The following CACNA1A variants were observed in gnomAD, a reference collection of about 807,000 sequenced individuals.
CACNA1A encodes voltage-dependent P/Q-type calcium channel subunit alpha-1A.
CACNA1A carries 57 observed loss-of-function variants against 262.4 expected under a neutral mutation model. The observed-to-expected ratio is 0.22, with a 90% confidence interval of 0.18 to 0.27. CACNA1A has a LOEUF of 0.27. Among genes scored for constraint, CACNA1A ranks in the 10% least tolerant of loss-of-function variants. The probability of loss-of-function intolerance (pLI) is 1.00; values close to 1 mark genes in which losing one functional copy is unlikely to be tolerated. For missense variants in CACNA1A, 2,526 were observed against 3,562.8 expected, an observed-to-expected ratio of 0.71 and a Z score of 7.41; for synonymous variants, 1,431 against 1,419.3, an observed-to-expected ratio of 1.01 and a Z score of -0.18.
chr19:13,270,482 G>A (rs1396830563), intron 24 of CACNA1A, among the ~76,000 whole-genome samples: 4 of 152,086 alleles, frequency 2.6e-5, no homozygotes, highest in Non-Finnish European at 5.9e-5. Flanking sequence ...CTTCCAATGT[G>A]CCAACTATCC....
chr19:13,261,349 A>G, intron 26 of CACNA1A, 101 bp downstream of exon 26: 1 of 1,022,858 alleles, frequency 9.8e-7, no homozygotes. Flanking sequence ...AAGGCTCATC[A>G]CTTCTCCAGT....
Position 13,255,216 on chromosome 19 carries a change from C to T in CACNA1A, c.4634G>A (p.Arg1545Gln), listed in dbSNP as rs775048630. The T allele has an allele frequency of 4.3e-6, 7 of 1,610,002 alleles. No homozygotes were observed. The East Asian group carries it at 6.7e-5, about 15-fold the overall frequency. The change falls in exon 29 of 47, where the codon CGA (arginine) becomes CAA (glutamine). Residue 1545 changes from arginine to glutamine, a missense_variant. Arg to Gln is a conservative substitution (Grantham distance 43). Around this residue, in one of 17 missense-constraint regions of CACNA1A, gnomAD observed 36 missense variants for 47.3 expected, o/e 0.76. Transcript: ENST00000360228. ...GCTCTGCTTGTTCTGCGGCATGTGTCGGGTCAGCGGCTTGGCGCTGATGGC... is the reference window on the plus strand; with the variant it reads ...GCTCTGCTTGTTCTGCGGCATGTGTTGGGTCAGCGGCTTGGCGCTGATGGC... ...DFAISAKPLT[R>Q]HMPQNKQSFQ...
chr19:13,276,126 C>T (rs929104992), intron 23 of CACNA1A, among the ~76,000 whole-genome samples, 170 bp from the exon 24 acceptor site: 2 of 152,164 alleles, frequency 1.3e-5, no homozygotes, highest in Non-Finnish European at 2.9e-5. Flanking sequence ...GGAGCCCCTG[C>T]CCCATGAGGC....
At chr19:13,261,395 C>T in intron 26 of CACNA1A, 55 bp downstream of exon 26, 2 of 1,477,658 alleles carry the variant, frequency 1.4e-6, no homozygotes, top group Non-Finnish European at 1.8e-6. Context: ...CTAGCCACTT[C>T]CCCCCTGCCC....
At chr19:13,402,857 T>TATACAC (rs1491547045) in intron 3 of CACNA1A, among the ~76,000 whole-genome samples, 1 of 75,838 alleles carries the variant, frequency 1.3e-5, no homozygotes, top group Admixed American at 1.7e-4. Context: ...CATATATATA[T>TATACAC]ACACACACAC....
In CACNA1A at chr19:13,491,005, A is replaced by AAGGAAGG. The variant is rs1555794665; in HGVS notation, c.293+14926_293+14927insCCTTCCT. ...CAAAGGAAAGGAAGAAGGAAGGAAG[A>AAGGAAGG]AAGGAAGGAAGGAAGGAAAGGAAGA... On this transcript the variant is annotated intron_variant, in intron 1 of 46. Transcript: ENST00000360228. Among the ~76,000 whole-genome samples the AAGGAAGG allele has an allele frequency of 1.4e-3, 213 of 150,198 alleles. 1 individual carries two copies. Among genetic ancestry groups the AAGGAAGG allele is most frequent in the East Asian group, 8.8e-3 (44 of 4,996 alleles).
chr19:13,466,171 T>C (rs1356301747), intron 1 of CACNA1A, among the ~76,000 whole-genome samples: 1 of 152,078 alleles, frequency 6.6e-6, no homozygotes, highest in Non-Finnish European at 1.5e-5. Context: ...GTTATGCAAA[T>C]TGCACCTGAT....
At chr19:13,274,761 T>A (rs1238381940) in intron 24 of CACNA1A, 1 of 151,278 alleles carries the variant, frequency 6.6e-6, no homozygotes, top group South Asian at 2.1e-4. Flanking sequence ...TTGGAATGGT[T>A]ACCCAGAACT....
chr19:13,288,055 G>A (rs1406024406), intron 19 of CACNA1A, among the ~76,000 whole-genome samples: 5 of 151,692 alleles, frequency 3.3e-5, no homozygotes, highest in East Asian at 1.9e-4. Context: ...CTTCCTCCTC[G>A]GCCTCCTAAA....
chr19:13,298,645 G>T lies in CACNA1A; in HGVS notation c.2988C>A (p.Pro996=). The change falls in exon 19 of 47, where the codon CCC becomes CCA. Residue 996 remains proline (P), a synonymous_variant. Coordinates refer to ENST00000360228, the MANE Select transcript of CACNA1A (RefSeq NM_001127222.2). The stretch of plus-strand genomic sequence containing the variant: ...GCCTTCTCCTGCGCTCGCCCCCGTC[G>T]GGGCCCTCGCCCTCGCCCTCGCCGC... ...ARGGEGEGEG[P]DGGERRRRHR... is the part of the protein sequence containing the mutation. 3.9e-6 allele frequency: 6 copies of T among 1,519,626 alleles called. No homozygotes were observed. Among genetic ancestry groups the T allele is most frequent in the Non-Finnish European group, 5.3e-6 (6 of 1,133,630 alleles). 94.1% of individuals were successfully genotyped at this position (1,519,626 alleles called of 1,614,324 possible).
At chr19:13,330,516 G>A (rs954967188) in intron 9 of CACNA1A, among the ~76,000 whole-genome samples, 183 bp from the exon 10 acceptor site, 10 of 152,176 alleles carry the variant, frequency 6.6e-5, no homozygotes, top group African/African-American at 2.4e-4. Context: ...TTGCTTAAAG[G>A]GGTAAAGACA....
rs2060383125 is a variant in CACNA1A at position 13,425,334 on chromosome 19, C to A, written c.539+27542G>T. Among the ~76,000 whole-genome samples, 2 of 152,116 alleles carry A rather than the reference C, an allele frequency of 1.3e-5. 1 individual carries two copies. Among genetic ancestry groups the A allele is most frequent in the South Asian group, 4.2e-4 (2 of 4,818 alleles). On this transcript the variant is annotated intron_variant, in intron 3 of 46. Coordinates refer to ENST00000360228, the MANE Select transcript of CACNA1A (RefSeq NM_001127222.2). ...TTTGCCCCAAGGGCATCTGTCTAAC[C>A]CATGGAACTGCTGCTTCAAGTTTTA...
intron 6 of CACNA1A, among the ~76,000 whole-genome samples, chr19:13,357,325 T>C (rs758532446): frequency 1.3e-5 from 2 of 152,192 alleles, no homozygotes; most frequent in African/African-American, 2.4e-5. Context: ...TAGGCATAAA[T>C]GGGTTGTTAA....
chr19:13,333,438 CT>C (rs1035794429), intron 8 of CACNA1A, among the ~76,000 whole-genome samples: 2 of 150,250 alleles, frequency 1.3e-5, no homozygotes, highest in East Asian at 2.0e-4. Flanking sequence ...ACTTCCTACT[CT>C]TTTTTTTTTC....
At chr19:13,259,526 G>A in intron 27 of CACNA1A, 38 bp downstream of exon 27, 1 of 1,571,478 alleles carries the variant, frequency 6.4e-7, no homozygotes. Flanking sequence ...CTGCTCCCCA[G>A]GGCTCCTCCT....
chr19:13,394,972 T>TA (rs1327804507), intron 3 of CACNA1A, among the ~76,000 whole-genome samples: 3 of 152,148 alleles, frequency 2.0e-5, no homozygotes, highest in South Asian at 4.1e-4. Context: ...AAACTAGTTA[T>TA]AAAAAAATTA....
At chr19:13,360,544 C>T (rs1289304581) in intron 5 of CACNA1A, among the ~76,000 whole-genome samples, 2 of 144,978 alleles carry the variant, frequency 1.4e-5, no homozygotes, top group African/African-American at 2.6e-5. Context: ...ATGGCATGAT[C>T]TCACCTCACT....
At chr19:13,459,746 C>G (rs1271232756) in intron 1 of CACNA1A, among the ~76,000 whole-genome samples, 2 of 152,228 alleles carry the variant, frequency 1.3e-5, no homozygotes, top group Non-Finnish European at 2.9e-5. Flanking sequence ...CCATCCCACT[C>G]CTCCGGTTCC....
At chr19:13,246,295 G>A (rs1303686942) in intron 30 of CACNA1A, among the ~76,000 whole-genome samples, 1 of 152,200 alleles carries the variant, frequency 6.6e-6, no homozygotes, top group African/African-American at 2.4e-5. Flanking sequence ...TGGTCCCCTT[G>A]TGTTTAGATG....
Sources: allele counts gnomAD v4.1 joint callset (sites outside exome capture counted in the v4.1 genomes callset), GRCh38; gene constraint gnomAD v4.1.1; regional missense constraint gnomAD v4.1.1; transcripts MANE v1.5; gene names NCBI Gene and HGNC (gene_info 2026-07-23, HGNC 2026-07-21).